LBHD1: variants seen among roughly 807,000 people sequenced by gnomAD.
The protein encoded by LBHD1 is LBH domain-containing protein 1.
LBHD1 carries 28 observed loss-of-function variants against 31.1 expected under a neutral mutation model. That is an observed-to-expected ratio of 0.90 (90% CI 0.67 to 1.24). The LOEUF is 1.24. Ranked by LOEUF, LBHD1 falls within the 50% of genes most tolerant of loss-of-function variation. The pLI, the probability that LBHD1 is intolerant of heterozygous loss-of-function variation, is 0.00. For synonymous variants in LBHD1, 105 were observed against 116.5 expected, an observed-to-expected ratio of 0.90 and a Z score of 0.63; for missense variants, 350 against 323.0, an observed-to-expected ratio of 1.08 and a Z score of -0.64.
intron 4 of LBHD1, chr11:62,666,375 A>G: frequency 6.2e-7 from 1 of 1,603,638 alleles, no homozygotes; most frequent in South Asian, 1.1e-5. Flanking sequence ...ACCAAGTGAC[A>G]CCCTCCAACC....
At chr11:62,665,421 C>T (rs746274629) in intron 4 of LBHD1, 3 of 1,500,298 alleles carry the variant, frequency 2.0e-6, no homozygotes, top group South Asian at 2.3e-5. Flanking sequence ...GGTCTCAGGA[C>T]CCTCCTTTTC....
chr11:62,667,417 T>C (rs1944849360), intron 4 of LBHD1, 106 bp downstream of exon 4: 1 of 1,191,162 alleles, frequency 8.4e-7, no homozygotes, highest in Non-Finnish European at 1.2e-6. Flanking sequence ...TGGCCTAACC[T>C]GTAAGCCTCA....
rs2134661952 is a variant in LBHD1, at chr11:62,672,260, G to A, written c.-707C>T. 2.3e-6 allele frequency: 2 copies of A among 856,556 alleles called. No individual in the cohort carries two copies. The highest frequency in any genetic ancestry group is 1.7e-5 in the South Asian group (1 of 57,828). 53.1% of individuals were successfully genotyped at this position (856,556 alleles called of 1,614,324 possible). ...GGTCCTGTGAGCTGCCGTCGGGTGA[G>A]CACGTTTCCCCCAAACCCTGGACTG... On this transcript the variant is annotated 5_prime_UTR_variant, in exon 1 of 7. Transcript: ENST00000354588.
Position 62,672,202 on chromosome 11 carries a change from T to G in LBHD1, c.-649A>C. 7.3e-7 allele frequency: 1 copy of G among 1,364,270 alleles called. No individual in the cohort carries two copies. The highest frequency in any genetic ancestry group is 9.9e-7 in the Non-Finnish European group (1 of 1,005,738). 84.5% of individuals were successfully genotyped at this position (1,364,270 alleles called of 1,614,324 possible). A position where few individuals can be genotyped will look rare whatever the true frequency, so the allele number is the denominator to read the frequency against. The stretch of plus-strand genomic sequence containing the variant: ...TCTCCTTCGTGGGCCCAGCGGAGAG[T>G]CCGGACCGAGATACCATGCCAGGAC... On this transcript the variant is annotated 5_prime_UTR_variant, in exon 1 of 7. Coordinates refer to ENST00000354588, the MANE Select transcript of LBHD1 (RefSeq NM_024099.5).
Position 62,669,744 on chromosome 11 carries a change from T to C in LBHD1, c.210A>G (p.Glu70=). The C allele has an allele frequency of 1.2e-6, 2 of 1,614,194 alleles. No homozygotes were observed. The highest frequency in any genetic ancestry group is 1.7e-6 in the Non-Finnish European group (2 of 1,180,030). The change falls in exon 3 of 7, where the codon GAA becomes GAG. Residue 70 remains glutamate, a synonymous_variant. Coordinates refer to ENST00000354588, the MANE Select transcript of LBHD1 (RefSeq NM_024099.5). ...GGGGCAAATGGAGATCCCCACTCTC[T>C]TCATTCACCTCACTGGATTCCACCA... The part of the protein sequence containing the change: ...SIVVESSEVN[E]ESGDLHLPHE...
rs1223304925 is a variant in LBHD1, at chr11:62,672,019, A to C, written c.-466T>G. 6.2e-7 allele frequency: 1 copy of C among 1,613,416 alleles called. No individual in the cohort carries two copies. Among genetic ancestry groups the C allele is most frequent in the Non-Finnish European group, 8.5e-7 (1 of 1,179,876 alleles). On this transcript the variant is annotated 5_prime_UTR_variant, in exon 1 of 7. Transcript: ENST00000354588. Reference sequence around the variant, plus strand: ...CAGGACCCAGCAGCTATTGCTGGCCACTCTGCAGGAGGCAGCGACCACGCA... The same window carrying C: ...CAGGACCCAGCAGCTATTGCTGGCCCCTCTGCAGGAGGCAGCGACCACGCA...
intron 4 of LBHD1, 190 bp from the exon 5 acceptor site, chr11:62,665,163 C>G (rs1035780214): frequency 1.6e-5 from 14 of 898,018 alleles, no homozygotes; most frequent in Non-Finnish European, 2.3e-5. Flanking sequence ...CCCCCCGGAG[C>G]TCCCATAGTC....
intron 4 of LBHD1, chr11:62,665,414 C>A: frequency 1.4e-6 from 2 of 1,475,272 alleles, no homozygotes; most frequent in Non-Finnish European, 9.2e-7. Context: ...TGGGCGGGGT[C>A]TCAGGACCCT....
intron 4 of LBHD1, chr11:62,665,997 A>AG: frequency 6.4e-7 from 1 of 1,568,142 alleles, no homozygotes; most frequent in Non-Finnish European, 8.7e-7. Flanking sequence ...CAGAGTGGGG[A>AG]GGGTAAGGTG....
Position 62,669,807 on chromosome 11 carries a change from A to G in LBHD1, c.151-4T>C, listed in dbSNP as rs1590853566. 6.2e-7 allele frequency: 1 copy of G among 1,614,226 alleles called. No individual in the cohort carries two copies. The highest frequency in any genetic ancestry group is 8.5e-7 in the Non-Finnish European group (1 of 1,180,046). ...GATGGGACTTTTGAGAGAAATCCTG[A>G]ATAGGGACAGCAGGGAGGTTGGGCC... On this transcript the variant is annotated splice_polypyrimidine_tract_variant and splice_region_variant and intron_variant, in intron 2 of 6. Coordinates refer to ENST00000354588, the MANE Select transcript of LBHD1 (RefSeq NM_024099.5).
At position 62,669,987 on chromosome 11, in the gene LBHD1, A is replaced by G. The variant is rs566087063; in HGVS notation, c.45T>C (p.Thr15=). ...PGRSKEDGLW[T]RNSPGSSQHP... ...GCTGGGAGGAGCCTGGGCTATTTCT[A>G]GTCCAAAGCCCATCCTCCTTGCTTC... The change falls in exon 2 of 7, where the codon ACT becomes ACC. Residue 15 remains threonine (T), a synonymous_variant. Coordinates refer to ENST00000354588, the MANE Select transcript of LBHD1 (RefSeq NM_024099.5). 45 of 1,613,854 alleles carry G rather than the reference A, an allele frequency of 2.8e-5. No homozygotes were observed. The South Asian group carries it at 4.3e-4, about 15-fold the overall frequency.
chr11:62,666,077 G>A, intron 4 of LBHD1: 1 of 1,081,732 alleles, frequency 9.2e-7, no homozygotes, highest in Non-Finnish European at 1.3e-6. Flanking sequence ...GCCGTGCGTG[G>A]TGGCTCACGG....
chr11:62,664,935 C>A lies in LBHD1; in HGVS notation c.577G>T (p.Glu193Ter). ...EEAVQTPAGV[E>*]SGAASEAPGG... is the part of the protein sequence containing the mutation. ...GGTGCCTCAGACGCCGCTCCCGATT[C>A]AACACCCGCCGGCGTTTGAACAGCT... Residue 193 changes from glutamate (E) to a stop codon, truncating the protein, a stop_gained, in exon 5 of 7, where the codon GAA (glutamate) becomes TAA (stop). Coordinates refer to ENST00000354588, the MANE Select transcript of LBHD1 (RefSeq NM_024099.5). LOFTEE classifies it high-confidence loss of function. 1 of 1,608,414 alleles carries A rather than the reference C, an allele frequency of 6.2e-7. No individual in the cohort carries two copies. The highest frequency in any genetic ancestry group is 8.5e-7 in the Non-Finnish European group (1 of 1,177,758).
chr11:62,663,722 AATAAATATAAT>A (rs1210288738), intron 5 of LBHD1, among the ~76,000 whole-genome samples: 2 of 150,880 alleles, frequency 1.3e-5, no homozygotes, highest in African/African-American at 4.8e-5. Context: ...AAAAGTATTA[AATAAATATAAT>A]ATAAATAGTA....
At chr11:62,666,490 C>A in intron 4 of LBHD1, 1 of 1,614,096 alleles carries the variant, frequency 6.2e-7, no homozygotes, top group Non-Finnish European at 8.5e-7. Context: ...TCGACTGGTT[C>A]TTTGGATACG....
intron 4 of LBHD1, chr11:62,666,572 G>A: frequency 1.2e-6 from 2 of 1,614,182 alleles, no homozygotes; most frequent in Non-Finnish European, 1.7e-6. Flanking sequence ...AGTGCTGGAT[G>A]TGGGCTGTGG....
In LBHD1 at chr11:62,662,974, C is replaced by T; in HGVS notation, c.*155G>A. ...ATCTGGAGAGTGAAAAGGGGCCTTG[C>T]TTTTGTCAAAGTCCTCTGAAACAAC... is the stretch of plus-strand genomic sequence containing the variant. On this transcript the variant is annotated 3_prime_UTR_variant, in exon 7 of 7. Coordinates refer to ENST00000354588, the MANE Select transcript of LBHD1 (RefSeq NM_024099.5). 8.4e-7 allele frequency: 1 copy of T among 1,190,650 alleles called. No homozygotes were observed. The highest frequency in any genetic ancestry group is 1.2e-6 in the Non-Finnish European group (1 of 837,942). The allele number at this position is 1,190,650 out of a possible 1,614,324, so 73.8% of individuals were successfully genotyped here.
intron 4 of LBHD1, chr11:62,666,785 T>G (rs567917506): frequency 3.1e-6 from 5 of 1,614,090 alleles, no homozygotes; most frequent in African/African-American, 2.7e-5. Flanking sequence ...GGCTGTGGCT[T>G]CTTCAGGCTC....
At chr11:62,664,763 C>G (rs1011872844) in intron 5 of LBHD1, 86 bp downstream of exon 5, 1 of 1,499,470 alleles carries the variant, frequency 6.7e-7, no homozygotes, top group African/African-American at 1.4e-5. Context: ...ACAAGGTGAG[C>G]TGAGAGGTGA....
Sources: allele counts gnomAD v4.1 joint callset (sites outside exome capture counted in the v4.1 genomes callset), GRCh38; gene constraint gnomAD v4.1.1; transcripts MANE v1.5; gene names NCBI Gene and HGNC (gene_info 2026-07-23, HGNC 2026-07-21).